Variants in PCBP3 observed in about 807,000 individuals in gnomAD.
PCBP3 encodes the protein poly(rC) binding protein 3.
A neutral mutation model predicts 52.7 loss-of-function variants in PCBP3; 25 were observed. That is an observed-to-expected ratio of 0.47 (90% CI 0.35 to 0.66). The LOEUF (loss-of-function observed/expected upper bound fraction) is 0.66. PCBP3 is among the 30% of genes least tolerant of loss of function. PCBP3 has a pLI of 0.01. For synonymous variants in PCBP3, 162 were observed against 183.0 expected (o/e 0.89, Z 0.93); for missense variants, 391 against 490.3 (o/e 0.80, Z 1.91).
chr21:45,825,791 AGGTGGGGTTGGT>A (rs1465072347), intron 4 of PCBP3, among the ~76,000 whole-genome samples: 2 of 152,124 alleles, frequency 1.3e-5, no homozygotes, highest in African/African-American at 2.4e-5. Flanking sequence ...GCCCCAGCAG[AGGTGGGGTTGGT>A]GGTGGGACGT....
At chr21:45,700,385 T>A (rs1359957502) in intron 2 of PCBP3, among the ~76,000 whole-genome samples, 1 of 152,196 alleles carries the variant, frequency 6.6e-6, no homozygotes, top group Non-Finnish European at 1.5e-5. Flanking sequence ...TAATCAGAAT[T>A]CTCTGTTCCC....
At chr21:45,914,462 G>C (rs1228442118) in intron 12 of PCBP3, 1 of 322,790 alleles carries the variant, frequency 3.1e-6, no homozygotes, top group Non-Finnish European at 5.7e-6. Context: ...ACGTGCGAGA[G>C]GAGGGAGCTC....
intron 5 of PCBP3, among the ~76,000 whole-genome samples, chr21:45,876,294 T>C (rs1431850487): frequency 2.0e-5 from 3 of 151,940 alleles, no homozygotes; most frequent in Non-Finnish European, 4.4e-5. Flanking sequence ...TTTGAAAGAA[T>C]TGGAACATTT....
chr21:45,775,576 C>G (rs181366067), intron 4 of PCBP3, among the ~76,000 whole-genome samples: 182 of 152,220 alleles, frequency 1.2e-3, no homozygotes, highest in Admixed American at 2.3e-3. Context: ...ACCACCACTC[C>G]TGGCTAACTT....
chr21:45,864,568 T>C (rs949271520), intron 5 of PCBP3, among the ~76,000 whole-genome samples: 1 of 152,212 alleles, frequency 6.6e-6, no homozygotes. Flanking sequence ...GTGAACGTAT[T>C]TTGGCAGTTG....
rs114035405 is a variant in PCBP3 at position 45,747,189 on chromosome 21, C to T, written c.-161-8228C>T. Among the ~76,000 whole-genome samples, 1,091 of 152,278 alleles carry T rather than the reference C, an allele frequency of 7.2e-3. 16 individuals are homozygous for T. Among genetic ancestry groups the T allele is most frequent in the African/African-American group, 0.025 (1,038 of 41,558 alleles). On this transcript the variant is annotated intron_variant, in intron 3 of 17. Coordinates refer to ENST00000681687, the MANE Select transcript of PCBP3 (RefSeq NM_001384156.1). ...ATGGTGGCAGGCAAGAGAGCATGTG[C>T]GAGGGAACTGCCTTTTTATAAAACC... is the stretch of plus-strand genomic sequence containing the variant.
rs894762375 is a variant in PCBP3 at position 45,741,559 on chromosome 21, C to T, written c.-162+6130C>T. ...GAAATGCCAAAAGAGGCTAAGAGCT[C>T]AGGGAAGGATTGTGATGTAGGGGGC... On this transcript the variant is annotated intron_variant, in intron 3 of 17. Coordinates refer to ENST00000681687, the MANE Select transcript of PCBP3 (RefSeq NM_001384156.1). This position sits in a 1 kb window ranked among gnomAD's most constrained non-coding sequence, Gnocchi z 4.5. Among the ~76,000 whole-genome samples, 47 of 151,970 alleles carry T rather than the reference C, an allele frequency of 3.1e-4. No homozygotes were observed. The highest frequency in any genetic ancestry group is 1.4e-3 in the Admixed American group (22 of 15,260).
intron 3 of PCBP3, among the ~76,000 whole-genome samples, chr21:45,747,761 A>G (rs1358451411): frequency 6.6e-6 from 1 of 152,088 alleles, no homozygotes; most frequent in Admixed American, 6.5e-5. Flanking sequence ...GGTGCAGCAC[A>G]CCTCTCGAGG....
intron 2 of PCBP3, among the ~76,000 whole-genome samples, chr21:45,701,155 C>G (rs1438528759): frequency 1.3e-5 from 2 of 152,320 alleles, no homozygotes; most frequent in Admixed American, 6.5e-5. Flanking sequence ...CACACAGTTT[C>G]CTTCCAATGT....
chr21:45,807,765 A>C (rs1017685689), intron 4 of PCBP3, among the ~76,000 whole-genome samples: 4 of 152,088 alleles, frequency 2.6e-5, no homozygotes, highest in Admixed American at 2.6e-4. Context: ...AAAACAAAAA[A>C]AAAACCTGGA....
chr21:45,672,822 G>T (rs571692591), intron 2 of PCBP3, among the ~76,000 whole-genome samples: 1 of 152,216 alleles, frequency 6.6e-6, no homozygotes, highest in East Asian at 1.9e-4. Context: ...AGCTTTTCCC[G>T]GATTGTGAGG....
At position 45,788,539 on chromosome 21, in the gene PCBP3, C is replaced by T. The variant is rs1001306490; in HGVS notation, c.-126+33087C>T. 6.6e-6 allele frequency: 1 copy of T among 152,548 alleles called. No homozygotes were observed. The highest frequency in any genetic ancestry group is 1.5e-5 in the Non-Finnish European group (1 of 68,324). 9.4% of individuals were successfully genotyped at this position (152,548 alleles called of 1,614,324 possible). A position where few individuals can be genotyped will look rare whatever the true frequency, so the allele number is the denominator to read the frequency against. On this transcript the variant is annotated intron_variant, in intron 4 of 17. Transcript: ENST00000681687. The surrounding 1 kb of genome is among the most constrained non-coding windows in gnomAD (Gnocchi z 4.3). ...TGACCTACCTCAGCCCACGCCCTGC[C>T]CTCTTTTTTCCCACCCCACGGGGCC...
chr21:45,708,646 G>A (rs1603298662), intron 2 of PCBP3, among the ~76,000 whole-genome samples: 1 of 152,126 alleles, frequency 6.6e-6, no homozygotes, highest in African/African-American at 2.4e-5. Context: ...GCTAGCAACC[G>A]TAGCTTGCAG....
At chr21:45,726,779 T>C (rs531941643) in intron 2 of PCBP3, among the ~76,000 whole-genome samples, 14 of 152,358 alleles carry the variant, frequency 9.2e-5, no homozygotes, top group African/African-American at 3.4e-4. Context: ...TCTGCTTTCC[T>C]GGCCAGATCG....
intron 4 of PCBP3, among the ~76,000 whole-genome samples, chr21:45,796,196 C>T (rs779807948): frequency 3.3e-5 from 5 of 152,102 alleles, no homozygotes; most frequent in Admixed American, 6.5e-5. Context: ...TCCAAGTCAT[C>T]TGATGAGCTC....
intron 4 of PCBP3, among the ~76,000 whole-genome samples, chr21:45,834,094 A>G (rs2093520579): frequency 6.6e-6 from 1 of 152,082 alleles, no homozygotes; most frequent in Non-Finnish European, 1.5e-5. Context: ...TGGGCTGGCC[A>G]GCACCCCCAC....
chr21:45,789,078 C>T (rs1360691986), intron 4 of PCBP3, among the ~76,000 whole-genome samples: 2 of 152,208 alleles, frequency 1.3e-5, no homozygotes, highest in African/African-American at 2.4e-5. Flanking sequence ...CCAGAGCTGG[C>T]CGTCCTGTGT....
intron 4 of PCBP3, chr21:45,828,640 T>C (rs1225638307): frequency 1.3e-5 from 2 of 152,474 alleles, no homozygotes; most frequent in African/African-American, 2.4e-5. Flanking sequence ...GGTGCCGGCA[T>C]TTCCATGAAA....
intron 2 of PCBP3, among the ~76,000 whole-genome samples, chr21:45,675,059 C>T (rs1227661296): frequency 6.6e-6 from 1 of 152,170 alleles, no homozygotes; most frequent in African/African-American, 2.4e-5. Context: ...CTCTGTTGTC[C>T]AGAGTTCTGT....
Sources: gnomAD v4.1 joint callset for allele counts (sites outside exome capture counted in the v4.1 genomes callset) on GRCh38, gnomAD v4.1.1 for gene constraint, Gnocchi (gnomAD v3.1) non-coding constraint, MANE v1.5 for transcripts, NCBI Gene and HGNC (gene_info 2026-07-23, HGNC 2026-07-21) for gene names.